Variants in FRAS1 observed in about 807,000 individuals in gnomAD.
FRAS1 encodes the protein Fraser extracellular matrix complex subunit 1.
A neutral mutation model predicts 435.2 loss-of-function variants in FRAS1; 290 were observed. The ratio of observed to expected loss-of-function variants is 0.67; its 90% CI spans 0.61 to 0.73. FRAS1 has a LOEUF of 0.73. Among genes scored for constraint, FRAS1 ranks in the 30% least tolerant of loss-of-function variants. The pLI, the probability that FRAS1 is intolerant of heterozygous loss-of-function variation, is 0.00. For synonymous variants in FRAS1, 1,800 were observed against 1,851.0 expected (o/e 0.97, Z 0.71); for missense variants, 4,860 against 5,001.5 (o/e 0.97, Z 0.85).
At chr4:78,307,471 C>A (rs539637563) in intron 14 of FRAS1, among the ~76,000 whole-genome samples, 2 of 152,188 alleles carry the variant, frequency 1.3e-5, no homozygotes, top group Admixed American at 6.5e-5. Flanking sequence ...GCCTTGCTGC[C>A]GCCTTGCAGT....
chr4:78,204,851 G>A (rs10518188), intron 2 of FRAS1, among the ~76,000 whole-genome samples: 99,342 of 152,150 alleles, frequency 0.65, 32,603 homozygotes, highest in African/African-American at 0.68. Flanking sequence ...AACTTGATAT[G>A]TTTTGAACCA....
At chr4:78,114,067 A>T (rs1172774795) in intron 2 of FRAS1, among the ~76,000 whole-genome samples, 1 of 152,116 alleles carries the variant, frequency 6.6e-6, no homozygotes, top group Non-Finnish European at 1.5e-5. Context: ...TTTTCCCAGC[A>T]CCATTTATTA....
At chr4:78,271,695 T>C (rs1251538255) in intron 9 of FRAS1, among the ~76,000 whole-genome samples, 1 of 152,192 alleles carries the variant, frequency 6.6e-6, no homozygotes, top group East Asian at 1.9e-4. Flanking sequence ...GTGCCACATT[T>C]TCTTAATCCA....
chr4:78,146,818 T>C (rs1720440338), intron 2 of FRAS1, among the ~76,000 whole-genome samples: 1 of 152,182 alleles, frequency 6.6e-6, no homozygotes, highest in Non-Finnish European at 1.5e-5. Flanking sequence ...TTGTACATTA[T>C]AATTTCATTG....
At chr4:78,179,181 C>T (rs1259939086) in intron 2 of FRAS1, among the ~76,000 whole-genome samples, 1 of 152,196 alleles carries the variant, frequency 6.6e-6, no homozygotes, top group Non-Finnish European at 1.5e-5. Flanking sequence ...GAGAATGCAA[C>T]TTAGAACCAG....
intron 14 of FRAS1, among the ~76,000 whole-genome samples, chr4:78,291,815 A>G (rs1727911243): frequency 1.3e-5 from 2 of 152,196 alleles, no homozygotes; most frequent in Admixed American, 1.3e-4. Context: ...AGTTTATTCT[A>G]TATCTGAGTG....
chr4:78,406,224 G>A lies in FRAS1; in HGVS notation c.4130-1439G>A, dbSNP rs545926074. On this transcript the variant is annotated intron_variant, in intron 30 of 73. Coordinates refer to ENST00000512123, the MANE Select transcript of FRAS1 (RefSeq NM_025074.7). Reference sequence around the variant, plus strand: ...ACTTAACATTTGTGTAACTTCTAACGTTATTAAACTCTGAACCTGAAGACC... The same window carrying A: ...ACTTAACATTTGTGTAACTTCTAACATTATTAAACTCTGAACCTGAAGACC... Among the ~76,000 whole-genome samples the A allele has an allele frequency of 3.3e-5, 5 of 152,248 alleles. No homozygotes were observed. In the South Asian group the frequency reaches 8.3e-4, roughly 25 times the overall value.
At chr4:78,060,134 C>T (rs1406617295) in intron 1 of FRAS1, among the ~76,000 whole-genome samples, 1 of 149,704 alleles carries the variant, frequency 6.7e-6, no homozygotes, top group African/African-American at 2.4e-5. Flanking sequence ...CTTTGCTAAG[C>T]ACTTTACATA....
chr4:78,138,253 T>A (rs1203987479), intron 2 of FRAS1, among the ~76,000 whole-genome samples: 2 of 152,204 alleles, frequency 1.3e-5, no homozygotes, highest in African/African-American at 4.8e-5. Flanking sequence ...TAAACAGTAC[T>A]TTAGTTCATA....
rs765469512 is a variant in FRAS1, at chr4:78,448,082, G to C, written c.6040G>C (p.Glu2014Gln). The C allele has an allele frequency of 6.2e-6, 10 of 1,612,220 alleles. No individual in the cohort carries two copies. Among genetic ancestry groups the C allele is most frequent in the Middle Eastern group, 1.7e-4 (1 of 6,026 alleles). Reference protein sequence around the residue: ...GHVLWRQTASEPLENGRVLVQ... With the variant: ...GHVLWRQTASQPLENGRVLVQ... ...TGTACTCTGGAGGCAAACTGCTTCT[G>C]AGCCTCTGGAGAATGGGAGAGTTTT... Residue 2014 changes from glutamate (E) to glutamine (Q), a missense_variant, in exon 44 of 74, where the codon GAG becomes CAG. By Grantham distance (29) the Glu-to-Gln change is conservative (BLOSUM62 2). Transcript: ENST00000512123.
chr4:78,460,993 T>A (rs1257426270), intron 47 of FRAS1, among the ~76,000 whole-genome samples: 1 of 152,312 alleles, frequency 6.6e-6, no homozygotes, highest in African/African-American at 2.4e-5. Context: ...TAGGTGCACA[T>A]CAGTGAAGAA....
At chr4:78,284,378 T>A in intron 12 of FRAS1, 27 bp from the exon 13 acceptor site, 1 of 1,612,848 alleles carries the variant, frequency 6.2e-7, no homozygotes, top group Non-Finnish European at 8.5e-7. Context: ...TTCACAGAGT[T>A]CTCCCCTTCT....
chr4:78,182,879 CAAAA>C (rs1420628017), intron 2 of FRAS1, among the ~76,000 whole-genome samples: 1 of 27,974 alleles, frequency 3.6e-5, no homozygotes, highest in Non-Finnish European at 8.6e-5. Context: ...GACCCTGTCT[CAAAA>C]AAAAGAAAAA....
intron 62 of FRAS1, 94 bp downstream of exon 62, chr4:78,507,702 C>A (rs979426066): frequency 4.2e-6 from 5 of 1,199,242 alleles, no homozygotes; most frequent in Non-Finnish European, 4.5e-6. Flanking sequence ...ATTCTTCTAA[C>A]CCAGTGGTTC....
intron 6 of FRAS1, among the ~76,000 whole-genome samples, chr4:78,257,687 A>G (rs1305122809): frequency 2.0e-5 from 3 of 152,172 alleles, no homozygotes; most frequent in Non-Finnish European, 4.4e-5. Flanking sequence ...TGGAGAGGGG[A>G]GGAGAATTCA....
At chr4:78,082,704 G>T (rs539318832) in intron 2 of FRAS1, among the ~76,000 whole-genome samples, 1 of 152,042 alleles carries the variant, frequency 6.6e-6, no homozygotes, top group African/African-American at 2.4e-5. Context: ...GGAAAGGAAA[G>T]ACTTTGTTAT....
chr4:78,381,869 A>G (rs1275166255), intron 27 of FRAS1, among the ~76,000 whole-genome samples: 2 of 134,446 alleles, frequency 1.5e-5, no homozygotes, highest in Admixed American at 7.8e-5. Context: ...TTTATCCAAC[A>G]AAAGAAAGAA....
chr4:78,509,965 C>A (rs1720979124), intron 63 of FRAS1, among the ~76,000 whole-genome samples: 1 of 152,180 alleles, frequency 6.6e-6, no homozygotes, highest in Non-Finnish European at 1.5e-5. Flanking sequence ...GGATGAATAG[C>A]AGAGGAAAAC....
chr4:78,374,447 A>G (rs1163598964), intron 25 of FRAS1, among the ~76,000 whole-genome samples, 196 bp downstream of exon 25: 1 of 152,226 alleles, frequency 6.6e-6, no homozygotes, highest in Non-Finnish European at 1.5e-5. Flanking sequence ...GTGTAAGCCA[A>G]TATTCTCTTA....
Sources: gnomAD v4.1 joint callset for allele counts (sites outside exome capture counted in the v4.1 genomes callset) on GRCh38, gnomAD v4.1.1 for gene constraint, MANE v1.5 for transcripts, NCBI Gene and HGNC (gene_info 2026-07-23, HGNC 2026-07-21) for gene names.